The following CPNE4 variants were observed in gnomAD, a reference collection of about 807,000 sequenced individuals.
CPNE4 encodes the protein copine-4.
CPNE4 carries 25 observed loss-of-function variants against 67.9 expected under a neutral mutation model. That is an observed-to-expected ratio of 0.37 (90% confidence interval 0.27 to 0.51). CPNE4 has a LOEUF of 0.51. Ranked by LOEUF, CPNE4 falls within the 20% of genes least tolerant of loss-of-function variation. The pLI, the probability that CPNE4 is intolerant of heterozygous loss-of-function variation, is 0.93. For missense variants in CPNE4, 464 were observed against 690.8 expected (o/e 0.67, Z 3.68); for synonymous variants, 242 against 244.9 (o/e 0.99, Z 0.11).
At chr3:131,713,330 G>T (rs1223101909) in intron 3 of CPNE4, among the ~76,000 whole-genome samples, 2 of 152,000 alleles carry the variant, frequency 1.3e-5, no homozygotes, top group Non-Finnish European at 2.9e-5. Flanking sequence ...TTTTCCTGGG[G>T]GCTACCAGGT....
chr3:131,699,303 T>C (rs756678611), intron 4 of CPNE4, among the ~76,000 whole-genome samples: 1 of 152,230 alleles, frequency 6.6e-6, no homozygotes, highest in Non-Finnish European at 1.5e-5. Flanking sequence ...TATTGAGCAC[T>C]GGATATGTGG....
chr3:131,916,360 A>C (rs906730927), intron 1 of CPNE4, among the ~76,000 whole-genome samples: 6 of 151,892 alleles, frequency 4.0e-5, no homozygotes, highest in Admixed American at 6.6e-5. Context: ...AAAAAAAAAA[A>C]AAAAAACAGA....
At chr3:131,704,946 G>A (rs1483668199) in intron 3 of CPNE4, among the ~76,000 whole-genome samples, 2 of 152,004 alleles carry the variant, frequency 1.3e-5, no homozygotes, top group Non-Finnish European at 2.9e-5. Context: ...AGGTCATAAG[G>A]GTAGGGCCCC....
At position 131,720,731 on chromosome 3, in the gene CPNE4, C is replaced by T. The variant is rs115212872; in HGVS notation, c.360+2715G>A. On this transcript the variant is annotated intron_variant, in intron 3 of 15. Coordinates refer to ENST00000429747, the MANE Select transcript of CPNE4 (RefSeq NM_130808.3). ...AGCAGAGTTAAGCTCCAGTTACGTA[C>T]GGTGGTATCTACTTGACCACTTTCC... Among the ~76,000 whole-genome samples the T allele has an allele frequency of 4.6e-3, 697 of 152,290 alleles. 6 individuals carry two copies. Among genetic ancestry groups the T allele is most frequent in the South Asian group, 0.016 (76 of 4,830 alleles).
chr3:132,010,591 A>G (rs900660313), intron 1 of CPNE4, among the ~76,000 whole-genome samples: 1 of 152,030 alleles, frequency 6.6e-6, no homozygotes, highest in African/African-American at 2.4e-5. Flanking sequence ...CCAGGTCCCC[A>G]TTTTCAGTGG....
chr3:131,585,185 A>C (rs972708781), intron 8 of CPNE4, among the ~76,000 whole-genome samples: 2 of 152,164 alleles, frequency 1.3e-5, no homozygotes, highest in Admixed American at 6.6e-5. Context: ...AAACTGGTTT[A>C]GTTTTGTAAT....
chr3:132,007,384 CAAGT>C (rs1242583628), intron 1 of CPNE4, among the ~76,000 whole-genome samples: 1 of 152,118 alleles, frequency 6.6e-6, no homozygotes, highest in Non-Finnish European at 1.5e-5. Context: ...GTCTGCATGC[CAAGT>C]AAGAGTACCC....
rs190716707 is a variant in CPNE4 at position 131,793,574 on chromosome 3, C to T, written c.181-69949G>A. Among the ~76,000 whole-genome samples the T allele has an allele frequency of 1.1e-4, 17 of 152,316 alleles. 1 individual carries two copies. The highest frequency in any genetic ancestry group is 7.8e-4 in the Admixed American group (12 of 15,294). On this transcript the variant is annotated intron_variant, in intron 2 of 15. Coordinates refer to ENST00000429747, the MANE Select transcript of CPNE4 (RefSeq NM_130808.3). ...AGGTGGAGCATCTGCATTTCTGATA[C>T]ATAGTCACTATCTCTCTCACTCACT...
chr3:132,018,310 T>C (rs1422607208), intron 1 of CPNE4, among the ~76,000 whole-genome samples: 1 of 152,140 alleles, frequency 6.6e-6, no homozygotes, highest in Admixed American at 6.5e-5. Flanking sequence ...TTTTTCTGGT[T>C]AGAGAGTCCA....
intron 3 of CPNE4, among the ~76,000 whole-genome samples, chr3:131,722,099 T>C (rs1056285963): frequency 2.0e-5 from 3 of 152,216 alleles, no homozygotes; most frequent in Non-Finnish European, 4.4e-5. Flanking sequence ...TGTCTCTTAG[T>C]GCTCACTGGG....
intron 1 of CPNE4, among the ~76,000 whole-genome samples, chr3:132,019,618 A>T (rs2073951608): frequency 6.6e-6 from 1 of 152,228 alleles, no homozygotes; most frequent in Non-Finnish European, 1.5e-5. Context: ...TGATAAAAAA[A>T]AATTCAGCAT....
chr3:131,845,805 G>A (rs1025845570), intron 2 of CPNE4, among the ~76,000 whole-genome samples: 4 of 152,204 alleles, frequency 2.6e-5, no homozygotes, highest in Admixed American at 6.5e-5. Context: ...AGGTTGTTCC[G>A]CTATCGTCTA....
At chr3:131,680,839 C>T (rs114875343) in intron 6 of CPNE4, among the ~76,000 whole-genome samples, 3,928 of 152,104 alleles carry the variant, frequency 0.026, 119 homozygotes, top group African/African-American at 0.076. Context: ...CTTTCCCCTG[C>T]GTCCCCACAG....
At chr3:131,717,275 A>C (rs970461603) in intron 3 of CPNE4, among the ~76,000 whole-genome samples, 1 of 151,542 alleles carries the variant, frequency 6.6e-6, no homozygotes, top group African/African-American at 2.4e-5. Flanking sequence ...CATCGAGTTC[A>C]CACTTTTATC....
intron 1 of CPNE4, among the ~76,000 whole-genome samples, chr3:131,977,052 A>G (rs1163178180): frequency 6.6e-6 from 1 of 152,144 alleles, no homozygotes; most frequent in African/African-American, 2.4e-5. Context: ...TGCCCGCCTC[A>G]GCCTCCCAAA....
chr3:131,727,398 T>C (rs764284284), intron 2 of CPNE4, among the ~76,000 whole-genome samples: 14 of 151,662 alleles, frequency 9.2e-5, no homozygotes, highest in African/African-American at 3.4e-4. Flanking sequence ...ATCAAGACCA[T>C]CCTGCCTAAC....
chr3:131,566,482 A>G (rs1937064492), intron 10 of CPNE4, among the ~76,000 whole-genome samples: 1 of 151,872 alleles, frequency 6.6e-6, no homozygotes, highest in Admixed American at 6.6e-5. Flanking sequence ...ATCAAGGACT[A>G]CGATGAAAAG....
At chr3:131,936,982 A>G (rs1368252536) in intron 1 of CPNE4, among the ~76,000 whole-genome samples, 1 of 152,014 alleles carries the variant, frequency 6.6e-6, no homozygotes, top group East Asian at 1.9e-4. Context: ...AAGGCACATA[A>G]AGATAAAGAA....
At position 131,555,577 on chromosome 3, in the gene CPNE4, AAAC is replaced by A. The variant is rs781226530; in HGVS notation, c.1062-29_1062-27del. The A allele has an allele frequency of 2.5e-6, 4 of 1,604,856 alleles. No individual in the cohort carries two copies. In the South Asian group the frequency reaches 4.4e-5, roughly 18 times the overall value. ...CTGAAACCAAAATGAAGAAAAGAAA[AAAC>A]AAGAAGTTGCTTCATTTATTCATTT... is the stretch of plus-strand genomic sequence containing the variant. On this transcript the variant is annotated intron_variant, in intron 11 of 15. Coordinates refer to ENST00000429747, the MANE Select transcript of CPNE4 (RefSeq NM_130808.3).
Sources: allele counts gnomAD v4.1 joint callset (sites outside exome capture counted in the v4.1 genomes callset), GRCh38; gene constraint gnomAD v4.1.1; transcripts MANE v1.5; gene names NCBI Gene and HGNC (gene_info 2026-07-23, HGNC 2026-07-21).